BRWD3: variants seen among roughly 807,000 people sequenced by gnomAD.
The protein encoded by BRWD3 is bromodomain and WD repeat-containing protein 3.
In BRWD3, 10 loss-of-function variants were observed where a neutral mutation model predicts 149.7. That is an observed-to-expected ratio of 0.07 (90% CI 0.04 to 0.11). The LOEUF is 0.11. Among genes scored for constraint, BRWD3 ranks in the 10% least tolerant of loss-of-function variants. The pLI is 1.00. For missense variants in BRWD3, 940 were observed against 1,373.2 expected (o/e 0.68, Z 4.99); for synonymous variants, 504 against 456.7 (o/e 1.10, Z -1.32).
Position 80,793,743 on chromosome X carries a change from G to T in BRWD3, c.210C>A (p.Asp70Glu). 1 of 1,208,992 alleles carries T rather than the reference G, an allele frequency of 8.3e-7. No individual in the cohort carries two copies. The highest frequency in any genetic ancestry group is 1.1e-6 in the Non-Finnish European group (1 of 893,029). Residue 70 changes from aspartate (D) to glutamate (E), a missense_variant, in exon 5 of 41, where the codon GAC becomes GAA. Asp to Glu is a conservative substitution (Grantham distance 45). Around this residue, in one of 6 missense-constraint regions of BRWD3, gnomAD observed 105 missense variants for 127.7 expected, o/e 0.82. Transcript: ENST00000373275. Reference protein sequence around the residue: ...LVAANAHIPPDYLLKICERIG... With the variant: ...LVAANAHIPPEYLLKICERIG... ...TTCTCTCACAAATTTTAAGGAGGTAGTCTGGAGGAATGTGTGCATTTGCTG... is the reference window on the plus strand; with the variant it reads ...TTCTCTCACAAATTTTAAGGAGGTATTCTGGAGGAATGTGTGCATTTGCTG...
At chrX:80,707,844 C>T (rs998099363) in intron 21 of BRWD3, among the ~76,000 whole-genome samples, 42 of 111,632 alleles carry the variant, frequency 3.8e-4, no homozygotes, top group African/African-American at 1.2e-3. Flanking sequence ...AATATAATTA[C>T]TCTCCATTAA....
intron 17 of BRWD3, among the ~76,000 whole-genome samples, chrX:80,721,600 A>G (rs2073150513): frequency 8.9e-6 from 1 of 111,971 alleles, no homozygotes; most frequent in East Asian, 2.8e-4. Context: ...AAGTGGGGGT[A>G]CAGGGCAGTA....
chrX:80,800,078 A>C lies in BRWD3; in HGVS notation c.181-6306T>G, dbSNP rs73227341. Reference sequence around the variant, plus strand: ...GGAAGCAAAGAAGTAAGGTACACCTAATTTTGCCTAGAGGTTTAAGGGTTC... The same window carrying C: ...GGAAGCAAAGAAGTAAGGTACACCTCATTTTGCCTAGAGGTTTAAGGGTTC... On this transcript the variant is annotated intron_variant, in intron 4 of 40. Transcript: ENST00000373275. 5.3e-3 allele frequency among the ~76,000 whole-genome samples: 583 copies of C among 110,025 alleles called. 1 individual carries two copies. The highest frequency in any genetic ancestry group is 9.5e-3 in the Non-Finnish European group (503 of 52,817).
At chrX:80,786,207 T>C (rs2074106090) in intron 6 of BRWD3, among the ~76,000 whole-genome samples, 1 of 111,607 alleles carries the variant, frequency 9.0e-6, no homozygotes, top group African/African-American at 3.3e-5. Context: ...ATAAAATAAA[T>C]ATTTAATTTC....
In BRWD3 at chrX:80,729,908, ATT is replaced by A; in HGVS notation, c.1232+6_1232+7del. ...AGAACCACATAAACATCTAACATATATTCTTACCCAGTCATTTTAGTAGCCAT... is the reference window on the plus strand; with the variant it reads ...AGAACCACATAAACATCTAACATATACTTACCCAGTCATTTTAGTAGCCAT... On this transcript the variant is annotated splice_donor_region_variant and intron_variant, in intron 13 of 40. Coordinates refer to ENST00000373275, the MANE Select transcript of BRWD3 (RefSeq NM_153252.5). 2 of 1,103,899 alleles carry A rather than the reference ATT, an allele frequency of 1.8e-6. No homozygotes were observed. The highest frequency in any genetic ancestry group is 3.6e-5 in the African/African-American group (2 of 55,594). The allele number at this position is 1,103,899 out of a possible 1,213,427, so 91.0% of individuals were successfully genotyped here. A position where few individuals can be genotyped will look rare whatever the true frequency, so the allele number is the denominator to read the frequency against.
intron 30 of BRWD3, among the ~76,000 whole-genome samples, chrX:80,691,425 T>C (rs2072609603): frequency 9.0e-6 from 1 of 111,560 alleles, no homozygotes; most frequent in Admixed American, 9.6e-5. Flanking sequence ...CAGATTTCTG[T>C]CTTTCCTAGA....
At chrX:80,738,276 A>C (rs1471902441) in intron 8 of BRWD3, among the ~76,000 whole-genome samples, 1 of 112,148 alleles carries the variant, frequency 8.9e-6, no homozygotes, top group East Asian at 2.8e-4. Flanking sequence ...GGATTGTTTA[A>C]TAAAATCAGG....
chrX:80,767,728 T>G (rs2073882282), intron 6 of BRWD3, among the ~76,000 whole-genome samples: 1 of 112,152 alleles, frequency 8.9e-6, no homozygotes, highest in African/African-American at 3.2e-5. Context: ...GAAGAATGAC[T>G]TTGACAAGCT....
intron 25 of BRWD3, among the ~76,000 whole-genome samples, chrX:80,698,947 C>T: frequency 9.0e-6 from 1 of 110,931 alleles, no homozygotes; most frequent in Non-Finnish European, 1.9e-5. Flanking sequence ...GGCACGGTGG[C>T]TCATGCCTGT....
At chrX:80,770,567 A>C (rs2073931249) in intron 6 of BRWD3, among the ~76,000 whole-genome samples, 1 of 111,021 alleles carries the variant, frequency 9.0e-6, no homozygotes, top group East Asian at 2.8e-4. Context: ...CATGCTAAAA[A>C]CTCTCAATAA....
intron 25 of BRWD3, among the ~76,000 whole-genome samples, chrX:80,698,209 T>G (rs1012531776): frequency 1.8e-5 from 2 of 112,193 alleles, no homozygotes; most frequent in Admixed American, 1.9e-4. Flanking sequence ...GATATGATCT[T>G]ACAATAATCA....
chrX:80,726,076 T>TTATA (rs10645950), intron 14 of BRWD3, among the ~76,000 whole-genome samples: 28,698 of 107,668 alleles, frequency 0.27, 2,978 homozygotes, highest in South Asian at 0.63. Context: ...TGTTTACATG[T>TTATA]TGTCTGTATA....
chrX:80,772,337 A>G (rs2073953566), intron 6 of BRWD3, among the ~76,000 whole-genome samples: 1 of 111,505 alleles, frequency 9.0e-6, no homozygotes, highest in Non-Finnish European at 1.9e-5. Flanking sequence ...ATACAGTTGG[A>G]AACCATCATT....
intron 14 of BRWD3, among the ~76,000 whole-genome samples, chrX:80,726,263 C>T (rs1234513021): frequency 3.2e-5 from 3 of 94,481 alleles, no homozygotes; most frequent in South Asian, 5.6e-4. Context: ...ACATATAACA[C>T]GTTTACATGT....
At chrX:80,758,143 G>A (rs1050825946) in intron 6 of BRWD3, among the ~76,000 whole-genome samples, 6 of 111,140 alleles carry the variant, frequency 5.4e-5, no homozygotes, top group African/African-American at 2.0e-4. Context: ...AGGTTGTGGT[G>A]AGCCAAGATC....
intron 21 of BRWD3, among the ~76,000 whole-genome samples, chrX:80,708,948 C>CAAGATGAAAAG (rs1296544141): frequency 9.0e-6 from 1 of 111,379 alleles, no homozygotes; most frequent in South Asian, 3.7e-4. Context: ...AACAGAAGAA[C>CAAGATGAAAAG]AAGATGAAAA....
At chrX:80,717,544 T>G in intron 19 of BRWD3, 29 bp downstream of exon 19, 1 of 1,184,609 alleles carries the variant, frequency 8.4e-7, no homozygotes, top group Non-Finnish European at 1.1e-6. Context: ...GCTTTAAATT[T>G]TTTTCTAAAT....
At chrX:80,754,092 G>A (rs2073707078) in intron 6 of BRWD3, among the ~76,000 whole-genome samples, 1 of 112,023 alleles carries the variant, frequency 8.9e-6, no homozygotes, top group Non-Finnish European at 1.9e-5. Context: ...CACTGAATCT[G>A]TAGGTTGCTT....
rs1054897121 is a variant in BRWD3, at chrX:80,696,955, T to C, written c.2944-92A>G. The C allele has an allele frequency of 2.3e-5, 21 of 916,244 alleles. No homozygotes were observed. In the South Asian group the frequency reaches 4.1e-4, roughly 18 times the overall value. 75.5% of individuals were successfully genotyped at this position (916,244 alleles called of 1,213,427 possible). A position where few individuals can be genotyped will look rare whatever the true frequency, so the allele number is the denominator to read the frequency against. ...ATTATTACTTGAACAATTTATTATC[T>C]GAAAATTCTCTAAATGCCAGGCACT... is the stretch of plus-strand genomic sequence containing the variant. On this transcript the variant is annotated intron_variant, in intron 25 of 40. Coordinates refer to ENST00000373275, the MANE Select transcript of BRWD3 (RefSeq NM_153252.5).
Sources: allele counts gnomAD v4.1 joint callset (sites outside exome capture counted in the v4.1 genomes callset), GRCh38; gene constraint gnomAD v4.1.1; regional missense constraint gnomAD v4.1.1; transcripts MANE v1.5; gene names NCBI Gene and HGNC (gene_info 2026-07-23, HGNC 2026-07-21).